The following PTPRE variants were observed in gnomAD, a reference collection of about 807,000 sequenced individuals.
PTPRE encodes the protein protein tyrosine phosphatase receptor type E.
In PTPRE, 51 loss-of-function variants were observed where a neutral mutation model predicts 102.0. The observed-to-expected ratio is 0.50, with a 90% CI of 0.40 to 0.63. The LOEUF is 0.63. Ranked by LOEUF, PTPRE falls within the 30% of genes least tolerant of loss-of-function variation. PTPRE has a pLI of 0.00. For synonymous variants in PTPRE, 345 were observed against 348.2 expected (o/e 0.99, Z 0.10); for missense variants, 752 against 915.1 (o/e 0.82, Z 2.30).
chr10:127,947,500 A>G (rs1484687759), intron 1 of PTPRE, among the ~76,000 whole-genome samples: 2 of 152,144 alleles, frequency 1.3e-5, no homozygotes, highest in Non-Finnish European at 2.9e-5. Flanking sequence ...TTTACATTTT[A>G]TTTATCTCTT....
chr10:128,056,939 G>A (rs1331078236), intron 7 of PTPRE, among the ~76,000 whole-genome samples: 1 of 152,116 alleles, frequency 6.6e-6, no homozygotes, highest in Non-Finnish European at 1.5e-5. Flanking sequence ...GCCCGGGCCG[G>A]GTGCTGTGGC....
In PTPRE at chr10:127,923,638, G is replaced by A. The variant is rs1488484562; in HGVS notation, c.-31+16329G>A. Among the ~76,000 whole-genome samples the A allele has an allele frequency of 4.6e-5, 7 of 152,162 alleles. No individual in the cohort carries two copies. In the South Asian group the frequency reaches 8.3e-4, roughly 18 times the overall value. ...AGGCTGGTCTCGAACTCCTGACCTC[G>A]TGATCCACCTGCCTCAGCCTCCCAA... On this transcript the variant is annotated intron_variant, in intron 1 of 20. Coordinates refer to ENST00000254667, the MANE Select transcript of PTPRE (RefSeq NM_006504.6).
At chr10:127,941,198 C>T (rs1359310524) in intron 1 of PTPRE, among the ~76,000 whole-genome samples, 2 of 152,242 alleles carry the variant, frequency 1.3e-5, no homozygotes, top group African/African-American at 2.4e-5. Flanking sequence ...ACTGGGCTGG[C>T]AGGGCTATTT....
chr10:127,984,078 CTT>C (rs58130253), intron 2 of PTPRE, among the ~76,000 whole-genome samples: 13,983 of 124,936 alleles, frequency 0.11, 1,295 homozygotes, highest in African/African-American at 0.3. Flanking sequence ...TTCTTTCTTT[CTT>C]TTTTTTTTTT....
At chr10:127,989,630 C>T (rs1470368330) in intron 2 of PTPRE, among the ~76,000 whole-genome samples, 2 of 152,360 alleles carry the variant, frequency 1.3e-5, no homozygotes, top group East Asian at 3.9e-4. Flanking sequence ...CTCATTACCA[C>T]CACCAAAGGT....
chr10:128,029,941 C>T (rs905101499), intron 2 of PTPRE, among the ~76,000 whole-genome samples: 14 of 152,310 alleles, frequency 9.2e-5, no homozygotes, highest in East Asian at 3.9e-4. Context: ...CTTCTGGGGG[C>T]GGGGACAGGA....
At chr10:127,927,212 G>C (rs143626257) in intron 1 of PTPRE, among the ~76,000 whole-genome samples, 1 of 152,104 alleles carries the variant, frequency 6.6e-6, no homozygotes, top group East Asian at 1.9e-4. Flanking sequence ...TTGGGTTCTC[G>C]CTCACCATTA....
At chr10:128,018,830 T>C (rs1026931288) in intron 2 of PTPRE, among the ~76,000 whole-genome samples, 1 of 151,994 alleles carries the variant, frequency 6.6e-6, no homozygotes, top group Admixed American at 6.6e-5. Context: ...GCCACTCCAG[T>C]CCCCATCTCT....
At position 128,080,574 on chromosome 10, in the gene PTPRE, C is replaced by T. The variant is rs151313100; in HGVS notation, c.2028+879C>T. Among the ~76,000 whole-genome samples, 97 of 152,336 alleles carry T rather than the reference C, an allele frequency of 6.4e-4. No homozygotes were observed. The East Asian group carries it at 0.014, about 22-fold the overall frequency. ...GCTTCCCCTAGTCTTTTTAGGGACT[C>T]ACAGCTCTCATTAATCTGCCTGGTC... is the stretch of plus-strand genomic sequence containing the variant. On this transcript the variant is annotated intron_variant, in intron 20 of 20. Coordinates refer to ENST00000254667, the MANE Select transcript of PTPRE (RefSeq NM_006504.6).
Position 128,083,907 on chromosome 10 carries a change from C to T in PTPRE, c.*1001C>T, listed in dbSNP as rs867926944. 1 of 152,178 alleles carries T rather than the reference C, an allele frequency of 6.6e-6. No homozygotes were observed. The highest frequency in any genetic ancestry group is 2.4e-5 in the African/African-American group (1 of 41,444). 9.4% of individuals were successfully genotyped at this position (152,178 alleles called of 1,614,324 possible). ...GCAATTAAACTTTAAATTTTCTGAG[C>T]AGCATTTTGGTATTTAAACATTTCT... On this transcript the variant is annotated 3_prime_UTR_variant, in exon 21 of 21. Coordinates refer to ENST00000254667, the MANE Select transcript of PTPRE (RefSeq NM_006504.6).
intron 6 of PTPRE, among the ~76,000 whole-genome samples, chr10:128,050,075 A>G (rs1848431153): frequency 6.6e-6 from 1 of 150,766 alleles, no homozygotes; most frequent in Non-Finnish European, 1.5e-5. Flanking sequence ...ACCTAATCAG[A>G]GTAGGCGATG....
rs1370509697 is a variant in PTPRE at position 128,069,787 on chromosome 10, C to T, written c.1103C>T (p.Ser368Phe). The stretch of plus-strand genomic sequence containing the variant: ...AAGGTGGATGTGTTTGAATTTGTGT[C>T]TCGAATCCGTAATCAGCGCCCTCAG... ...EQKVDVFEFV[S>F]RIRNQRPQMV... Residue 368 changes from serine (S) to phenylalanine (F), a missense_variant, in exon 13 of 21, where the codon TCT becomes TTT. Physicochemically the swap from Ser to Phe is radical, Grantham distance 155. This residue lies in a region of PTPRE where 636 missense variants were observed against 824.4 expected (regional missense o/e 0.77). Coordinates refer to ENST00000254667, the MANE Select transcript of PTPRE (RefSeq NM_006504.6). The T allele has an allele frequency of 1.9e-6, 3 of 1,614,096 alleles. No homozygotes were observed. The highest frequency in any genetic ancestry group is 2.5e-6 in the Non-Finnish European group (3 of 1,180,054).
chr10:127,985,261 G>A (rs968008065), intron 2 of PTPRE, among the ~76,000 whole-genome samples: 1 of 152,228 alleles, frequency 6.6e-6, no homozygotes, highest in Non-Finnish European at 1.5e-5. Context: ...ACATTTAAGT[G>A]AGATGGCCCA....
intron 2 of PTPRE, among the ~76,000 whole-genome samples, chr10:128,007,250 T>C (rs750099101): frequency 1.3e-5 from 2 of 152,212 alleles, no homozygotes; most frequent in Non-Finnish European, 2.9e-5. Context: ...CCAACCTTTT[T>C]TCATAAACCT....
In PTPRE at chr10:128,069,718, T is replaced by C. The variant is rs1413480198; in HGVS notation, c.1034T>C (p.Phe345Ser). ...CSAGVGRTGT[F>S]IVIDAMMAMM... The stretch of plus-strand genomic sequence containing the variant: ...GCGGGCGTGGGCCGGACGGGCACCT[T>C]CATTGTGATCGATGCCATGATGGCC... Residue 345 changes from phenylalanine to serine, a missense_variant, in exon 13 of 21, where the codon TTC (phenylalanine) becomes TCC (serine). This residue lies in a region of PTPRE where 636 missense variants were observed against 824.4 expected (regional missense o/e 0.77). Coordinates refer to ENST00000254667, the MANE Select transcript of PTPRE (RefSeq NM_006504.6). 2 of 1,614,046 alleles carry C rather than the reference T, an allele frequency of 1.2e-6. No individual in the cohort carries two copies. Among genetic ancestry groups the C allele is most frequent in the Non-Finnish European group, 1.7e-6 (2 of 1,180,028 alleles).
At chr10:127,928,404 G>A (rs1847186686) in intron 1 of PTPRE, among the ~76,000 whole-genome samples, 1 of 152,190 alleles carries the variant, frequency 6.6e-6, no homozygotes, top group East Asian at 1.9e-4. Flanking sequence ...TGAGCGGGAA[G>A]GAAATACTAG....
In PTPRE at chr10:128,070,992, T is replaced by G; in HGVS notation, c.1387+91T>G. ...GGAGAAGCCATTGACCGCTTACCCC[T>G]GTGCACCAGGGTCAAAAGCAGGGTG... On this transcript the variant is annotated intron_variant, in intron 15 of 20. Transcript: ENST00000254667. This position sits in a 1 kb window ranked among gnomAD's most constrained non-coding sequence, Gnocchi z 4.8. 1.5e-6 allele frequency: 2 copies of G among 1,295,054 alleles called. No homozygotes were observed. Among genetic ancestry groups the G allele is most frequent in the Non-Finnish European group, 2.2e-6 (2 of 912,502 alleles). 80.2% of individuals were successfully genotyped at this position (1,295,054 alleles called of 1,614,324 possible).
At chr10:128,058,352 T>G (rs1041608715) in intron 7 of PTPRE, among the ~76,000 whole-genome samples, 4 of 152,222 alleles carry the variant, frequency 2.6e-5, no homozygotes, top group African/African-American at 9.6e-5. Flanking sequence ...CTGGAGTCAG[T>G]TGGCATTTCC....
At position 127,907,849 on chromosome 10, in the gene PTPRE, G is replaced by A. The variant is rs144028865; in HGVS notation, c.-31+540G>A. 6.6e-6 allele frequency among the ~76,000 whole-genome samples: 1 copy of A among 152,192 alleles called. No homozygotes were observed. Among genetic ancestry groups the A allele is most frequent in the African/African-American group, 2.4e-5 (1 of 41,428 alleles). ...GCCTTCCCAGGGAGGCAGGTGGAGC[G>A]GGATGCAGCAGCCGCCGGGGGTCGG... On this transcript the variant is annotated intron_variant, in intron 1 of 20. Coordinates refer to ENST00000254667, the MANE Select transcript of PTPRE (RefSeq NM_006504.6). The surrounding 1 kb of genome is among the most constrained non-coding windows in gnomAD (Gnocchi z 4.8).
Sources: allele counts gnomAD v4.1 joint callset (sites outside exome capture counted in the v4.1 genomes callset), GRCh38; gene constraint gnomAD v4.1.1; regional missense constraint gnomAD v4.1.1; non-coding constraint Gnocchi (gnomAD v3.1); transcripts MANE v1.5; gene names NCBI Gene and HGNC (gene_info 2026-07-23, HGNC 2026-07-21).